Variants in RBFOX3 observed in about 807,000 individuals in gnomAD.
RBFOX3 encodes RNA binding fox-1 homolog 3.
RBFOX3 carries 17 observed loss-of-function variants against 48.7 expected under a neutral mutation model. That is an observed-to-expected ratio of 0.35 (90% CI 0.24 to 0.52). The LOEUF (loss-of-function observed/expected upper bound fraction) is 0.52, where lower values mean the gene tolerates loss of function less well. RBFOX3 is among the 20% of genes least tolerant of loss of function. The pLI is 0.94. For missense variants in RBFOX3, 382 were observed against 497.5 expected (o/e 0.77, Z 2.21); for synonymous variants, 212 against 209.5 (o/e 1.01, Z -0.10).
At chr17:79,408,029 G>A (rs976302982) in intron 2 of RBFOX3, among the ~76,000 whole-genome samples, 2 of 152,128 alleles carry the variant, frequency 1.3e-5, no homozygotes, top group South Asian at 2.1e-4. Flanking sequence ...TCTGGAGCCC[G>A]CCAGCCCCAC....
At chr17:79,633,598 G>GT in the RBFOX3 span, among the ~76,000 whole-genome samples, 4,001 of 147,774 alleles carry the variant, frequency 0.027, 178 homozygotes, top group African/African-American at 0.089. Context: ...TCCAGCGGCT[G>GT]TTTTTTTTTT....
At chr17:79,280,689 C>T (rs1295708816) in intron 3 of RBFOX3, among the ~76,000 whole-genome samples, 1 of 152,234 alleles carries the variant, frequency 6.6e-6, no homozygotes, top group East Asian at 1.9e-4. Context: ...GTAGACGGGC[C>T]TTGGGGCGCA....
At chr17:79,259,670 T>C (rs2065421756) in intron 3 of RBFOX3, among the ~76,000 whole-genome samples, 1 of 152,064 alleles carries the variant, frequency 6.6e-6, no homozygotes. Context: ...TGCTGGTCAG[T>C]AGACCGGGCT....
chr17:79,253,351 A>G (rs2064273481), intron 3 of RBFOX3, among the ~76,000 whole-genome samples: 1 of 152,172 alleles, frequency 6.6e-6, no homozygotes, highest in Non-Finnish European at 1.5e-5. Context: ...CTGAGGTTAA[A>G]AAAAAGTCTG....
At chr17:79,339,867 C>T (rs1267921898) in intron 2 of RBFOX3, among the ~76,000 whole-genome samples, 2 of 152,216 alleles carry the variant, frequency 1.3e-5, no homozygotes, top group African/African-American at 2.4e-5. Flanking sequence ...CTAGCACCTA[C>T]ATTCTACGAC....
At chr17:79,429,169 C>T (rs1222901661) in intron 2 of RBFOX3, among the ~76,000 whole-genome samples, 1 of 152,268 alleles carries the variant, frequency 6.6e-6, no homozygotes, top group Non-Finnish European at 1.5e-5. Context: ...GGCCGTGGAG[C>T]ATGCTCCTTG....
chr17:79,379,163 C>T (rs1056082316), intron 2 of RBFOX3, among the ~76,000 whole-genome samples: 1 of 152,226 alleles, frequency 6.6e-6, no homozygotes, highest in Non-Finnish European at 1.5e-5. Context: ...CCATGGCACG[C>T]GTCGGGGTGA....
At chr17:79,551,076 G>T (rs1209913371) in intron 1 of RBFOX3, among the ~76,000 whole-genome samples, 2 of 152,082 alleles carry the variant, frequency 1.3e-5, no homozygotes, top group African/African-American at 2.4e-5. Flanking sequence ...TTAAATAGTC[G>T]CATGCAACTA....
intron 2 of RBFOX3, among the ~76,000 whole-genome samples, chr17:79,463,063 CGCCACTGCCACCTCCACCGACTTT>C (rs1555750207): frequency 2.8e-5 from 4 of 145,266 alleles, no homozygotes; most frequent in Non-Finnish European, 3.1e-5. Context: ...CCACCGCCAT[CGCCACTGCCACCTCCACCGACTTT>C]GCCACTGCCA....
chr17:79,137,684 G>A (rs1214266040), intron 4 of RBFOX3, among the ~76,000 whole-genome samples: 1 of 152,238 alleles, frequency 6.6e-6, no homozygotes, highest in Non-Finnish European at 1.5e-5. Flanking sequence ...GAGGCGGATG[G>A]CTTCTTTTCC....
rs2078714074 is a variant in RBFOX3, at chr17:79,481,115, TAG to T, written c.-175+1337_-175+1338del. Among the ~76,000 whole-genome samples the T allele has an allele frequency of 1.3e-5, 2 of 152,210 alleles. No homozygotes were observed. Among genetic ancestry groups the T allele is most frequent in the Admixed American group, 1.3e-4 (2 of 15,276 alleles). On this transcript the variant is annotated intron_variant, in intron 2 of 14. Transcript: ENST00000693108. The surrounding 1 kb of genome is among the most constrained non-coding windows in gnomAD (Gnocchi z 5.4). Reference sequence around the variant, plus strand: ...CCTGGAGAAGCACCCAGACTGTGCATAGAGACTTCCAATTCTGCAAACTCTGG... The same window carrying T: ...CCTGGAGAAGCACCCAGACTGTGCATAGACTTCCAATTCTGCAAACTCTGG...
chr17:79,321,493 T>A (rs937791562), intron 2 of RBFOX3, among the ~76,000 whole-genome samples: 2 of 152,112 alleles, frequency 1.3e-5, no homozygotes, highest in African/African-American at 4.8e-5. Flanking sequence ...CACAGACATC[T>A]AATTTTCCCA....
intron 4 of RBFOX3, among the ~76,000 whole-genome samples, chr17:79,186,379 C>A (rs920456748): frequency 6.6e-6 from 1 of 152,274 alleles, no homozygotes; most frequent in East Asian, 1.9e-4. Flanking sequence ...CTCAGTGCTC[C>A]GCTGTGATCG....
chr17:79,554,544 C>T (rs1450340519), intron 1 of RBFOX3, among the ~76,000 whole-genome samples: 17 of 152,322 alleles, frequency 1.1e-4, no homozygotes, highest in African/African-American at 2.9e-4. Flanking sequence ...CTTCGCACCC[C>T]GCTGTGAGCC....
intron 1 of RBFOX3, among the ~76,000 whole-genome samples, chr17:79,499,163 C>A (rs1188295531): frequency 6.6e-6 from 1 of 151,626 alleles, no homozygotes; most frequent in Non-Finnish European, 1.5e-5. Flanking sequence ...CACCCACCCA[C>A]CCATCCATCT....
intron 4 of RBFOX3, among the ~76,000 whole-genome samples, chr17:79,159,410 G>A (rs2046489989): frequency 6.6e-6 from 1 of 152,264 alleles, no homozygotes; most frequent in South Asian, 2.1e-4. Flanking sequence ...AATGCCCCCG[G>A]CTTAGCCCAA....
chr17:79,330,245 C>T (rs1196982975), intron 2 of RBFOX3, among the ~76,000 whole-genome samples: 1 of 152,208 alleles, frequency 6.6e-6, no homozygotes, highest in Non-Finnish European at 1.5e-5. Context: ...GTAGAGTAGA[C>T]ACTGGGGAGT....
rs187455473 is a variant in RBFOX3 at position 79,364,640 on chromosome 17, C to A, written c.-174-56816G>T. On this transcript the variant is annotated intron_variant, in intron 2 of 14. Coordinates refer to ENST00000693108, the MANE Select transcript of RBFOX3 (RefSeq NM_001350451.2). This position sits in a 1 kb window ranked among gnomAD's most constrained non-coding sequence, Gnocchi z 5.1. ...GTGCTGGTGGGTGACGGGGAGCGGG[C>A]GTGAGCAGGTCGGATAGCCTGCTGT... is the stretch of plus-strand genomic sequence containing the variant. Among the ~76,000 whole-genome samples, 2 of 152,214 alleles carry A rather than the reference C, an allele frequency of 1.3e-5. No homozygotes were observed. Among genetic ancestry groups the A allele is most frequent in the East Asian group, 1.9e-4 (1 of 5,174 alleles).
At chr17:79,110,073 C>T (rs755314220) in intron 5 of RBFOX3, among the ~76,000 whole-genome samples, 10 of 151,046 alleles carry the variant, frequency 6.6e-5, no homozygotes, top group Admixed American at 1.3e-4. Context: ...CTGACTGTAG[C>T]GGTCCAGCAG....
Sources: gnomAD v4.1 joint callset for allele counts (sites outside exome capture counted in the v4.1 genomes callset) on GRCh38, gnomAD v4.1.1 for gene constraint, Gnocchi (gnomAD v3.1) non-coding constraint, MANE v1.5 for transcripts, NCBI Gene and HGNC (gene_info 2026-07-23, HGNC 2026-07-21) for gene names.